MTARC2: variants seen among roughly 807,000 people sequenced by gnomAD.
MTARC2 encodes mitochondrial amidoxime reducing component 2, also known as MOCO sulphurase C-terminal domain containing 2.
MTARC2 carries 27 observed loss-of-function variants against 35.6 expected under a neutral mutation model. That is an observed-to-expected ratio of 0.76 (90% CI 0.56 to 1.04). MTARC2 has a LOEUF of 1.04. Among genes scored for constraint, MTARC2 ranks in the 50% least tolerant of loss-of-function variants. MTARC2 has a pLI of 0.00. For synonymous variants in MTARC2, 158 were observed against 167.1 expected, an observed-to-expected ratio of 0.95 and a Z score of 0.42; for missense variants, 412 against 432.5, an observed-to-expected ratio of 0.95 and a Z score of 0.42.
chr1:220,771,296 CAAAAAAA>C (rs57776178), intron 4 of MTARC2, among the ~76,000 whole-genome samples: 8 of 57,102 alleles, frequency 1.4e-4, no homozygotes, highest in African/African-American at 4.8e-4. Context: ...GAGACTGTCT[CAAAAAAA>C]AAAAAAAAAA....
chr1:220,778,423 AG>A (rs1671977113), intron 4 of MTARC2, among the ~76,000 whole-genome samples: 1 of 152,062 alleles, frequency 6.6e-6, no homozygotes, highest in Non-Finnish European at 1.5e-5. Context: ...AAGAGAGCGA[AG>A]GGGAAGTGCC....
At chr1:220,762,805 C>T in intron 3 of MTARC2, 105 bp from the exon 4 acceptor site, 1 of 1,243,916 alleles carries the variant, frequency 8.0e-7, no homozygotes, top group Non-Finnish European at 1.1e-6. Flanking sequence ...CTGCTCCCCT[C>T]TTCTGCACTG....
intron 2 of MTARC2, 150 bp from the exon 3 acceptor site, chr1:220,761,508 T>C: frequency 1.5e-6 from 1 of 650,344 alleles, no homozygotes; most frequent in Non-Finnish European, 2.6e-6. Context: ...TACTCCTTTC[T>C]CTTGCACTTC....
chr1:220,770,241 C>T (rs994353964), intron 4 of MTARC2: 1 of 198,446 alleles, frequency 5.0e-6, no homozygotes, highest in African/African-American at 2.4e-5. Flanking sequence ...TGTCCTTCAC[C>T]ATGCTTTTTC....
chr1:220,767,863 C>T (rs1158131011), intron 4 of MTARC2, among the ~76,000 whole-genome samples: 1 of 152,166 alleles, frequency 6.6e-6, no homozygotes, highest in Non-Finnish European at 1.5e-5. Context: ...TTGGGTCCTC[C>T]CAGTCCTATC....
At position 220,783,998 on chromosome 1, in the gene MTARC2, T is replaced by A. The variant is rs982852240; in HGVS notation, c.*111T>A. 2.2e-5 allele frequency: 16 copies of A among 716,974 alleles called. No homozygotes were observed. The South Asian group carries it at 2.4e-4, about 11-fold the overall frequency. The allele number at this position is 716,974 out of a possible 1,614,324, so 44.4% of individuals were successfully genotyped here. ...ATCAGCAAATCCTTATTATCCAGCC[T>A]TCAACTATCTTTACCCTGGAAAACA... On this transcript the variant is annotated 3_prime_UTR_variant, in exon 8 of 8. Coordinates refer to ENST00000366913, the MANE Select transcript of MTARC2 (RefSeq NM_017898.5).
intron 4 of MTARC2, among the ~76,000 whole-genome samples, chr1:220,764,774 T>TA (rs199669863): frequency 0.17 from 25,505 of 145,754 alleles, 2,432 homozygotes; most frequent in East Asian, 0.31. Flanking sequence ...CCTGTGTATT[T>TA]AAAAAAAAAA....
At chr1:220,780,453 CTTTTT>C (rs11364112) in intron 6 of MTARC2, among the ~76,000 whole-genome samples, 4 of 133,770 alleles carry the variant, frequency 3.0e-5, no homozygotes, top group South Asian at 2.5e-4. Flanking sequence ...TTTGGATAAA[CTTTTT>C]TTTTTTTTTT....
At chr1:220,774,602 T>C (rs184273636) in intron 4 of MTARC2, among the ~76,000 whole-genome samples, 3,614 of 152,262 alleles carry the variant, frequency 0.024, 109 homozygotes, top group African/African-American at 0.064. Flanking sequence ...GCTGGGATGG[T>C]GGTGGCAGGA....
chr1:220,762,977 G>A lies in MTARC2; in HGVS notation c.677G>A (p.Arg226Lys), dbSNP rs932801684. 3 of 1,614,198 alleles carry A rather than the reference G, an allele frequency of 1.9e-6. No individual in the cohort carries two copies. Among genetic ancestry groups the A allele is most frequent in the Non-Finnish European group, 1.7e-6 (2 of 1,180,036 alleles). Residue 226 changes from arginine (R) to lysine (K), a missense_variant, in exon 4 of 8, where the codon AGG (arginine) becomes AAG (lysine). Transcript: ENST00000366913. ...TDASLVDLNT[R>K]MEKKMKMENF... ...GCCTCCCTGGTAGATTTGAATACCAGGATGGAGAAGAAAATGAAAATGGAG... is the reference window on the plus strand; with the variant it reads ...GCCTCCCTGGTAGATTTGAATACCAAGATGGAGAAGAAAATGAAAATGGAG...
At chr1:220,780,900 A>G (rs1329511160) in intron 6 of MTARC2, among the ~76,000 whole-genome samples, 1 of 152,058 alleles carries the variant, frequency 6.6e-6, no homozygotes, top group African/African-American at 2.4e-5. Flanking sequence ...TAGAATCAAT[A>G]TCAAGGAATA....
At position 220,782,921 on chromosome 1, in the gene MTARC2, C is replaced by T. The variant is rs79749410; in HGVS notation, c.*31+989C>T. 6.8e-3 allele frequency among the ~76,000 whole-genome samples: 1,039 copies of T among 152,284 alleles called. 5 individuals are homozygous for T. Among genetic ancestry groups the T allele is most frequent in the Admixed American group, 0.013 (199 of 15,296 alleles). ...TTGAGTATTAATTCATATAAAGTTG[C>T]GCTGCAACACAAATAAAGTGCTCAG... On this transcript the variant is annotated intron_variant, in intron 7 of 7. Coordinates refer to ENST00000366913, the MANE Select transcript of MTARC2 (RefSeq NM_017898.5).
intron 1 of MTARC2, among the ~76,000 whole-genome samples, chr1:220,752,296 G>T (rs1671144240): frequency 1.3e-5 from 2 of 152,194 alleles, no homozygotes; most frequent in South Asian, 4.1e-4. Context: ...CTCTGGTTGT[G>T]TGCAGATCTC....
chr1:220,754,810 G>T (rs574372092), intron 1 of MTARC2, 137 bp from the exon 2 acceptor site: 9 of 860,336 alleles, frequency 1.0e-5, no homozygotes, highest in Admixed American at 7.5e-5. Context: ...GGCCAGACCT[G>T]GATAATTGTC....
chr1:220,750,595 G>A (rs1213277679), intron 1 of MTARC2, among the ~76,000 whole-genome samples: 2 of 152,178 alleles, frequency 1.3e-5, no homozygotes, highest in Non-Finnish European at 2.9e-5. Flanking sequence ...GATGGGGTGG[G>A]GTGATGTGAA....
At chr1:220,765,416 G>GT (rs1671555283) in intron 4 of MTARC2, among the ~76,000 whole-genome samples, 1 of 152,188 alleles carries the variant, frequency 6.6e-6, no homozygotes, top group Non-Finnish European at 1.5e-5. Flanking sequence ...TCTGAGCAAG[G>GT]AAGTAATTAT....
At chr1:220,772,019 T>G (rs7556561) in intron 4 of MTARC2, among the ~76,000 whole-genome samples, 48,395 of 152,148 alleles carry the variant, frequency 0.32, 8,880 homozygotes, top group East Asian at 0.68. Flanking sequence ...GAAATAGTAT[T>G]AAATTCCACC....
At position 220,763,188 on chromosome 1, in the gene MTARC2, T is replaced by C. The variant is rs1302157940; in HGVS notation, c.750+138T>C. On this transcript the variant is annotated intron_variant, in intron 4 of 7. Coordinates refer to ENST00000366913, the MANE Select transcript of MTARC2 (RefSeq NM_017898.5). ...CATTGCTGCTGCCATCACTCATTGC[T>C]TGCGGAGTTGTTCACCCATTGTTGC... is the stretch of plus-strand genomic sequence containing the variant. The C allele has an allele frequency of 1.4e-5, 18 of 1,248,736 alleles. No homozygotes were observed. In the East Asian group the frequency reaches 4.2e-4, roughly 29 times the overall value. 77.4% of individuals were successfully genotyped at this position (1,248,736 alleles called of 1,614,324 possible). A position where few individuals can be genotyped will look rare whatever the true frequency, so the allele number is the denominator to read the frequency against.
intron 4 of MTARC2, among the ~76,000 whole-genome samples, chr1:220,774,972 T>C (rs1449024570): frequency 1.4e-4 from 22 of 152,168 alleles, no homozygotes; most frequent in Admixed American, 1.4e-3. Flanking sequence ...TGTGTGTGTG[T>C]ACACACATTC....
Sources: allele counts gnomAD v4.1 joint callset (sites outside exome capture counted in the v4.1 genomes callset), GRCh38; gene constraint gnomAD v4.1.1; transcripts MANE v1.5; gene names NCBI Gene and HGNC (gene_info 2026-07-23, HGNC 2026-07-21).